The following PAPPA2 variants were observed in gnomAD, a reference collection of about 807,000 sequenced individuals.
PAPPA2 encodes the protein pappalysin 2, also known as pappalysin-2.
A neutral mutation model predicts 176.4 loss-of-function variants in PAPPA2; 86 were observed. The ratio of observed to expected loss-of-function variants is 0.49; its 90% confidence interval spans 0.41 to 0.58. The LOEUF (loss-of-function observed/expected upper bound fraction) is 0.58, where lower values mean the gene tolerates loss of function less well. Among genes scored for constraint, PAPPA2 ranks in the 20% least tolerant of loss-of-function variants. The probability of loss-of-function intolerance (pLI) is 0.00; values close to 1 mark genes in which losing one functional copy is unlikely to be tolerated. For missense variants in PAPPA2, 2,073 were observed against 2,256.9 expected (o/e 0.92, Z 1.65); for synonymous variants, 809 against 852.2 (o/e 0.95, Z 0.88).
chr1:176,685,199 T>C (rs1659781194), intron 4 of PAPPA2, among the ~76,000 whole-genome samples: 1 of 152,090 alleles, frequency 6.6e-6, no homozygotes, highest in Admixed American at 6.5e-5. Flanking sequence ...TGGTCTAATA[T>C]ATATTTTGAG....
At chr1:176,502,896 G>A (rs970940184) in intron 1 of PAPPA2, among the ~76,000 whole-genome samples, 4 of 152,064 alleles carry the variant, frequency 2.6e-5, no homozygotes, top group Non-Finnish European at 5.9e-5. Flanking sequence ...TAATAAAACC[G>A]GTTCATGTCC....
intron 1 of PAPPA2, among the ~76,000 whole-genome samples, chr1:176,469,273 A>C (rs966835341): frequency 2.0e-5 from 3 of 152,126 alleles, no homozygotes; most frequent in African/African-American, 7.2e-5. Context: ...TGCCAGAAAA[A>C]ACAGTTTCTG....
At chr1:176,590,243 T>C (rs7538616) in intron 2 of PAPPA2, among the ~76,000 whole-genome samples, 6,844 of 152,312 alleles carry the variant, frequency 0.045, 210 homozygotes, top group Non-Finnish European at 0.067. Context: ...ATTGCTTTCC[T>C]TTTTAGTCTT....
At chr1:176,538,356 G>T (rs1447971649) in intron 1 of PAPPA2, among the ~76,000 whole-genome samples, 1 of 152,190 alleles carries the variant, frequency 6.6e-6, no homozygotes, top group Admixed American at 6.5e-5. Flanking sequence ...GGTCAGTGCT[G>T]TACTTTCTCC....
intron 17 of PAPPA2, among the ~76,000 whole-genome samples, chr1:176,783,202 A>G (rs1409362790): frequency 2.0e-5 from 3 of 152,196 alleles, no homozygotes; most frequent in African/African-American, 7.2e-5. Context: ...ATATTTTCCT[A>G]TACAATAGTT....
At chr1:176,750,163 C>A (rs1183584746) in intron 14 of PAPPA2, among the ~76,000 whole-genome samples, 4 of 151,780 alleles carry the variant, frequency 2.6e-5, no homozygotes, top group Non-Finnish European at 5.9e-5. Context: ...CTTTATTTTT[C>A]TATTTACTTA....
At chr1:176,496,429 A>G (rs1203665439) in intron 1 of PAPPA2, among the ~76,000 whole-genome samples, 1 of 152,152 alleles carries the variant, frequency 6.6e-6, no homozygotes, top group Admixed American at 6.5e-5. Flanking sequence ...TGGGAAGAGA[A>G]TGGTCCTGGT....
intron 1 of PAPPA2, among the ~76,000 whole-genome samples, chr1:176,534,383 A>G (rs1395665964): frequency 6.6e-6 from 1 of 152,138 alleles, no homozygotes; most frequent in Non-Finnish European, 1.5e-5. Context: ...CTCTCTCAGT[A>G]TCCATGATCC....
chr1:176,495,321 A>G (rs1367208885), intron 1 of PAPPA2, among the ~76,000 whole-genome samples: 1 of 152,126 alleles, frequency 6.6e-6, no homozygotes, highest in Admixed American at 6.5e-5. Flanking sequence ...CAGGCGAATC[A>G]CCTAAGGTCA....
At chr1:176,778,793 A>G (rs141854389) in intron 17 of PAPPA2, among the ~76,000 whole-genome samples, 55 of 152,320 alleles carry the variant, frequency 3.6e-4, no homozygotes, top group African/African-American at 1.2e-3. Flanking sequence ...TTTCTTTCCA[A>G]TAAGACCTTG....
chr1:176,602,495 A>G (rs932199680), intron 3 of PAPPA2, among the ~76,000 whole-genome samples: 1 of 152,126 alleles, frequency 6.6e-6, no homozygotes, highest in Admixed American at 6.5e-5. Flanking sequence ...TGCTTTGCTC[A>G]CCCACACTCG....
At chr1:176,551,927 C>T (rs936395542) in intron 1 of PAPPA2, among the ~76,000 whole-genome samples, 2 of 152,076 alleles carry the variant, frequency 1.3e-5, no homozygotes, top group Non-Finnish European at 2.9e-5. Flanking sequence ...GGCAGAGATG[C>T]AGGGAGGGAA....
rs775986472 is a variant in PAPPA2, at chr1:176,690,184, G to A, written c.2185G>A (p.Asp729Asn). Residue 729 changes from aspartate (D) to asparagine (N), a missense_variant, in exon 5 of 23, where the codon GAC becomes AAC. By Grantham distance (23) the Asp-to-Asn change is conservative. This residue lies in a region of PAPPA2 where 1,196 missense variants were observed against 1,330.4 expected (regional missense o/e 0.90). Coordinates refer to ENST00000367662, the MANE Select transcript of PAPPA2 (RefSeq NM_020318.3). ...ATATTATGGGATGCCTGGCCACACC[G>A]ACACCATGATCCATGAAGTGGGACA... ...PAYYGMPGHT[D>N]TMIHEVGHVL... The A allele has an allele frequency of 7.4e-6, 12 of 1,613,966 alleles. No individual in the cohort carries two copies. The highest frequency in any genetic ancestry group is 4.0e-5 in the African/African-American group (3 of 75,016).
chr1:176,525,416 A>C (rs1434350760), intron 1 of PAPPA2, among the ~76,000 whole-genome samples: 2 of 152,216 alleles, frequency 1.3e-5, no homozygotes, highest in Non-Finnish European at 2.9e-5. Context: ...ATTAGGATAC[A>C]TTAGGATATA....
chr1:176,653,725 C>T (rs1471181220), intron 3 of PAPPA2, among the ~76,000 whole-genome samples: 1 of 151,656 alleles, frequency 6.6e-6, no homozygotes, highest in Non-Finnish European at 1.5e-5. Flanking sequence ...CTTCCTTATA[C>T]CCCACTCCGT....
intron 17 of PAPPA2, among the ~76,000 whole-genome samples, chr1:176,787,460 T>C (rs1254069233): frequency 6.6e-6 from 1 of 152,026 alleles, no homozygotes; most frequent in African/African-American, 2.4e-5. Context: ...AGTCTCAAAC[T>C]CCTGACCTCA....
At chr1:176,491,738 G>A (rs1294332865) in intron 1 of PAPPA2, among the ~76,000 whole-genome samples, 1 of 152,106 alleles carries the variant, frequency 6.6e-6, no homozygotes, top group African/African-American at 2.4e-5. Flanking sequence ...GTAGTTATTT[G>A]TTTTGCTCCT....
At chr1:176,570,183 C>G (rs1652239468) in intron 2 of PAPPA2, among the ~76,000 whole-genome samples, 1 of 152,164 alleles carries the variant, frequency 6.6e-6, no homozygotes, top group Non-Finnish European at 1.5e-5. Context: ...AATCTTGCTA[C>G]CTGAAGACGA....
intron 3 of PAPPA2, among the ~76,000 whole-genome samples, chr1:176,626,858 G>GTGTGAACA (rs112189268): frequency 5.3e-5 from 8 of 150,028 alleles, no homozygotes; most frequent in African/African-American, 2.0e-4. Context: ...AAGATTGAGT[G>GTGTGAACA]TGTGAACAGC....
Sources: allele counts gnomAD v4.1 joint callset (sites outside exome capture counted in the v4.1 genomes callset), GRCh38; gene constraint gnomAD v4.1.1; regional missense constraint gnomAD v4.1.1; transcripts MANE v1.5; gene names NCBI Gene and HGNC (gene_info 2026-07-23, HGNC 2026-07-21).